TMEM132A: variants seen among roughly 807,000 people sequenced by gnomAD.
TMEM132A encodes the protein transmembrane protein 132A.
Under a neutral mutation model 69.9 loss-of-function variants are expected in TMEM132A, and 48 were observed. That is an observed-to-expected ratio of 0.69 (90% CI 0.55 to 0.87). TMEM132A has a LOEUF of 0.87. Among genes scored for constraint, TMEM132A ranks in the 40% least tolerant of loss-of-function variants. The pLI, the probability that TMEM132A is intolerant of heterozygous loss-of-function variation, is 0.00. For synonymous variants in TMEM132A, 577 were observed against 613.7 expected (o/e 0.94, Z 0.88); for missense variants, 1,287 against 1,407.2 (o/e 0.91, Z 1.37).
rs767977605 is a variant in TMEM132A at position 60,936,096 on chromosome 11, G to A, written c.2261G>A (p.Arg754His). Residue 754 changes from arginine to histidine, a missense_variant, in exon 11 of 11, where the codon CGT becomes CAT. Arg to His is a conservative substitution (Grantham distance 29). Coordinates refer to ENST00000453848, the MANE Select transcript of TMEM132A (RefSeq NM_178031.3). ...GAGCCCTGCCGCCGGGGCCGCCACC[G>A]TGTGCCTCTGGCCTCTGGCACCGCC... ...PPEPCRRGRHRVPLASGTAWL... is the reference protein window; with the variant it reads ...PPEPCRRGRHHVPLASGTAWL... 22 of 1,611,326 alleles carry A rather than the reference G, an allele frequency of 1.4e-5. No homozygotes were observed. Among genetic ancestry groups the A allele is most frequent in the Admixed American group, 3.3e-5 (2 of 59,868 alleles).
Position 60,924,676 on chromosome 11 carries a change from G to C in TMEM132A, c.43G>C (p.Gly15Arg), listed in dbSNP as rs1167277832. ...CGGTCGCACAACAGCGGCCCCTCGG[G>C]GGCCCTACGGCCCCTGGCTCTGCCT... Reference protein sequence around the residue: ...MAGRTTAAPRGPYGPWLCLLV... With the variant: ...MAGRTTAAPRRPYGPWLCLLV... Residue 15 changes from glycine (G) to arginine (R), a missense_variant, in exon 1 of 11, where the codon GGG becomes CGG. By Grantham distance (125) the Gly-to-Arg change is moderately radical (BLOSUM62 -2). Coordinates refer to ENST00000453848, the MANE Select transcript of TMEM132A (RefSeq NM_178031.3). The C allele has an allele frequency of 1.4e-5, 22 of 1,593,594 alleles. No individual in the cohort carries two copies. The highest frequency in any genetic ancestry group is 1.9e-5 in the Non-Finnish European group (22 of 1,176,468).
chr11:60,926,878 T>C (rs1217253966), intron 1 of TMEM132A, among the ~76,000 whole-genome samples: 1 of 151,792 alleles, frequency 6.6e-6, no homozygotes, highest in Non-Finnish European at 1.5e-5. Context: ...CAGAGGCGAG[T>C]AGATGGAGGG....
intron 4 of TMEM132A, 22 bp from the exon 5 acceptor site, chr11:60,930,488 G>A (rs1378915291): frequency 6.3e-7 from 1 of 1,576,748 alleles, no homozygotes; most frequent in African/African-American, 1.4e-5. Context: ...TTGCCAAACT[G>A]AGCCTATACT....
chr11:60,935,798 G>A lies in TMEM132A; in HGVS notation c.2029-66G>A. ...TCCTCCATGTGGCCTATCTCTGTGG[G>A]AGTGGTTTCTCTGTGCATGCGTGCG... On this transcript the variant is annotated intron_variant, in intron 10 of 10. Transcript: ENST00000453848. The surrounding 1 kb of genome is among the most constrained non-coding windows in gnomAD (Gnocchi z 5.0). The A allele has an allele frequency of 6.4e-7, 1 of 1,555,964 alleles. No individual in the cohort carries two copies. Among genetic ancestry groups the A allele is most frequent in the South Asian group, 1.2e-5 (1 of 84,270 alleles).
intron 2 of TMEM132A, 24 bp from the exon 3 acceptor site, chr11:60,927,617 T>G (rs754247987): frequency 6.3e-7 from 1 of 1,592,282 alleles, no homozygotes; most frequent in East Asian, 2.2e-5. Flanking sequence ...CCTCTTTTGT[T>G]AAGCCCTCTC....
At position 60,935,617 on chromosome 11, in the gene TMEM132A, G is replaced by T. The variant is rs900850634; in HGVS notation, c.2028+174G>T. On this transcript the variant is annotated intron_variant, in intron 10 of 10. Transcript: ENST00000453848. The surrounding 1 kb of genome is among the most constrained non-coding windows in gnomAD (Gnocchi z 5.0). ...GCTGGAGGTGATCAAGCAGTGGCTGGAGTATGGCAGTGGGAGGTTGGTTAG... is the reference window on the plus strand; with the variant it reads ...GCTGGAGGTGATCAAGCAGTGGCTGTAGTATGGCAGTGGGAGGTTGGTTAG... 4 of 807,066 alleles carry T rather than the reference G, an allele frequency of 5.0e-6. No individual in the cohort carries two copies. The East Asian group carries it at 1.1e-4, about 22-fold the overall frequency. The allele number at this position is 807,066 out of a possible 1,614,324, so 50.0% of individuals were successfully genotyped here. A position where few individuals can be genotyped will look rare whatever the true frequency, so the allele number is the denominator to read the frequency against.
At chr11:60,931,093 G>A (rs1156328776) in intron 5 of TMEM132A, among the ~76,000 whole-genome samples, 1 of 152,196 alleles carries the variant, frequency 6.6e-6, no homozygotes, top group Non-Finnish European at 1.5e-5. Context: ...AGTAGCCCCA[G>A]TTCGAATTCT....
chr11:60,936,853 G>A lies in TMEM132A; in HGVS notation c.3018G>A (p.Leu1006=). Residue 1006 remains leucine (L), a synonymous_variant, in exon 11 of 11, where the codon CTG becomes CTA. Transcript: ENST00000453848. ...DIRWVCEDMG[L]KDPEELRNYM... ...GCTGGGTGTGTGAGGACATGGGGCT[G>A]AAGGACCCTGAGGAGCTTCGCAACT... 6.2e-7 allele frequency: 1 copy of A among 1,603,284 alleles called. No homozygotes were observed. Among genetic ancestry groups the A allele is most frequent in the Non-Finnish European group, 8.5e-7 (1 of 1,175,832 alleles).
rs747686642 is a variant in TMEM132A at position 60,924,686 on chromosome 11, G to T, written c.53G>T (p.Gly18Val). The change falls in exon 1 of 11, where the codon GGC (glycine) becomes GTC (valine). Residue 18 changes from glycine to valine, a missense_variant. Gly to Val is a moderately radical substitution (Grantham distance 109). Coordinates refer to ENST00000453848, the MANE Select transcript of TMEM132A (RefSeq NM_178031.3). Reference protein sequence around the residue: ...RTTAAPRGPYGPWLCLLVALA... With the variant: ...RTTAAPRGPYVPWLCLLVALA... ...ACAGCGGCCCCTCGGGGGCCCTACGGCCCCTGGCTCTGCCTCCTGGTGGCC... is the reference window on the plus strand; with the variant it reads ...ACAGCGGCCCCTCGGGGGCCCTACGTCCCCTGGCTCTGCCTCCTGGTGGCC... 1 of 1,592,180 alleles carries T rather than the reference G, an allele frequency of 6.3e-7. No individual in the cohort carries two copies. The highest frequency in any genetic ancestry group is 1.7e-5 in the Admixed American group (1 of 59,492).
In TMEM132A at chr11:60,932,101, G is replaced by C. The variant is rs774690482; in HGVS notation, c.1330G>C (p.Glu444Gln). Residue 444 changes from glutamate to glutamine, a missense_variant, in exon 7 of 11, where the codon GAG becomes CAG. By Grantham distance (29) the Glu-to-Gln change is conservative. Coordinates refer to ENST00000453848, the MANE Select transcript of TMEM132A (RefSeq NM_178031.3). ...GGAGGTGACAGAGCATGTCGGCTGC[G>C]AGTCTGCCAACACACAGGTCCTGCA... ...LVEVTEHVGC[E>Q]SANTQVLQVS... 8 of 1,552,418 alleles carry C rather than the reference G, an allele frequency of 5.2e-6. No individual in the cohort carries two copies. Among genetic ancestry groups the C allele is most frequent in the Non-Finnish European group, 6.9e-6 (8 of 1,153,792 alleles).
intron 3 of TMEM132A, 32 bp downstream of exon 3, chr11:60,927,891 T>C (rs1336189392): frequency 6.4e-7 from 1 of 1,568,024 alleles, no homozygotes; most frequent in Non-Finnish European, 8.7e-7. Context: ...AGGCTGGTCC[T>C]GCTGCAGCTG....
rs547896384 is a variant in TMEM132A at position 60,928,777 on chromosome 11, G to A, written c.683G>A (p.Gly228Glu). The A allele has an allele frequency of 1.9e-6, 3 of 1,609,878 alleles. No individual in the cohort carries two copies. The highest frequency in any genetic ancestry group is 2.5e-6 in the Non-Finnish European group (3 of 1,178,938). The change falls in exon 4 of 11, where the codon GGG becomes GAG. Residue 228 changes from glycine to glutamate, a missense_variant. Gly to Glu is a moderately conservative substitution (Grantham distance 98). Transcript: ENST00000453848. Reference sequence around the variant, plus strand: ...GGCTCCGGCGAGGAGAACGACCCTGGGGAGCAGGCCCTCCCAGTGGGGGGT... The same window carrying A: ...GGCTCCGGCGAGGAGAACGACCCTGAGGAGCAGGCCCTCCCAGTGGGGGGT... ...GCGSGEENDP[G>E]EQALPVGGVE...
intron 5 of TMEM132A, 58 bp from the exon 6 acceptor site, chr11:60,931,631 T>G: frequency 1.3e-6 from 2 of 1,527,502 alleles, no homozygotes; most frequent in Non-Finnish European, 1.8e-6. Context: ...CAGGAAGTGC[T>G]GAGGCCATGC....
Position 60,931,718 on chromosome 11 carries a change from T to G in TMEM132A, c.1046T>G (p.Val349Gly), listed in dbSNP as rs1457281001. ...SPLELSEFLW[V>G]DFVVENSTGG... ...CTTGAACTGTCTGAGTTCCTATGGGTGGACTTTGTGGTGGAGAATAGCACT... is the reference window on the plus strand; with the variant it reads ...CTTGAACTGTCTGAGTTCCTATGGGGGGACTTTGTGGTGGAGAATAGCACT... The change falls in exon 6 of 11, where the codon GTG becomes GGG. Residue 349 changes from valine to glycine, a missense_variant. By Grantham distance (109) the Val-to-Gly change is moderately radical. Transcript: ENST00000453848. The G allele has an allele frequency of 6.2e-7, 1 of 1,613,922 alleles. No homozygotes were observed. The highest frequency in any genetic ancestry group is 1.1e-5 in the South Asian group (1 of 91,068).
Position 60,927,293 on chromosome 11 carries a change from G to A in TMEM132A, c.190G>A (p.Val64Met). The A allele has an allele frequency of 1.2e-6, 2 of 1,613,444 alleles. No homozygotes were observed. The highest frequency in any genetic ancestry group is 1.7e-6 in the Non-Finnish European group (2 of 1,179,980). The change falls in exon 2 of 11, where the codon GTG (valine) becomes ATG (methionine). Residue 64 changes from valine (V) to methionine (M), a missense_variant. Transcript: ENST00000453848. ...CCCTGAACACTTCCGTGTGCAGCAG[G>A]TGGGCCACTACCCACCTGCCAACTC... ...DAPEHFRVQQ[V>M]GHYPPANSSL...
In TMEM132A at chr11:60,935,388, C is replaced by A; in HGVS notation, c.1973C>A (p.Pro658His). ...ACCTTGAGCCGGGGCACTGCCCACC[C>A]CGGGGAGGTCACAGCTACGTGCTGG... is the stretch of plus-strand genomic sequence containing the variant. Reference protein sequence around the residue: ...SLTLSRGTAHPGEVTATCWAQ... With the variant: ...SLTLSRGTAHHGEVTATCWAQ... Residue 658 changes from proline (P) to histidine (H), a missense_variant, in exon 10 of 11, where the codon CCC (proline) becomes CAC (histidine). Physicochemically the swap from Pro to His is moderately conservative, Grantham distance 77 (BLOSUM62 -2). Transcript: ENST00000453848. The surrounding 1 kb of genome is among the most constrained non-coding windows in gnomAD (Gnocchi z 5.0). 6.2e-7 allele frequency: 1 copy of A among 1,612,236 alleles called. No homozygotes were observed. The highest frequency in any genetic ancestry group is 8.5e-7 in the Non-Finnish European group (1 of 1,179,486).
chr11:60,934,872 GGGA>G, intron 9 of TMEM132A, 108 bp downstream of exon 9: 10 of 1,244,168 alleles, frequency 8.0e-6, no homozygotes, highest in Non-Finnish European at 1.1e-5. Flanking sequence ...GAGTGTGTGG[GGGA>G]GTTGTGCGGT....
chr11:60,933,062 G>T (rs1179701457), intron 7 of TMEM132A: 2 of 153,592 alleles, frequency 1.3e-5, no homozygotes, highest in African/African-American at 4.8e-5. Context: ...CAAAGAACAG[G>T]GGCTTAACCA....
At position 60,924,706 on chromosome 11, in the gene TMEM132A, G is replaced by C; in HGVS notation, c.73G>C (p.Val25Leu). 6.3e-7 allele frequency: 1 copy of C among 1,587,740 alleles called. No individual in the cohort carries two copies. The highest frequency in any genetic ancestry group is 8.5e-7 in the Non-Finnish European group (1 of 1,174,236). ...CTACGGCCCCTGGCTCTGCCTCCTG[G>C]TGGCCCTCGCCCTGGACGTCGTGAG... ...GPYGPWLCLL[V>L]ALALDVVRVD... Residue 25 changes from valine to leucine, a missense_variant, in exon 1 of 11, where the codon GTG (valine) becomes CTG (leucine). Transcript: ENST00000453848.
Sources: gnomAD v4.1 joint callset for allele counts (sites outside exome capture counted in the v4.1 genomes callset) on GRCh38, gnomAD v4.1.1 for gene constraint, Gnocchi (gnomAD v3.1) non-coding constraint, MANE v1.5 for transcripts, NCBI Gene and HGNC (gene_info 2026-07-23, HGNC 2026-07-21) for gene names.